The following DGKH variants were observed in gnomAD, a reference collection of about 807,000 sequenced individuals.
DGKH encodes the protein diacylglycerol kinase eta, also known as DAG kinase eta.
DGKH carries 90 observed loss-of-function variants against 159.3 expected under a neutral mutation model. That is an observed-to-expected ratio of 0.57 (90% CI 0.48 to 0.67). DGKH has a LOEUF of 0.67. Ranked by LOEUF, DGKH falls within the 30% of genes least tolerant of loss-of-function variation. DGKH has a pLI of 0.00. For missense variants in DGKH, 1,181 were observed against 1,506.1 expected, an observed-to-expected ratio of 0.78 and a Z score of 3.57; for synonymous variants, 536 against 553.8, an observed-to-expected ratio of 0.97 and a Z score of 0.45.
chr13:42,209,792 G>T (rs1957594575), intron 23 of DGKH, among the ~76,000 whole-genome samples: 1 of 152,074 alleles, frequency 6.6e-6, no homozygotes, highest in South Asian at 2.1e-4. Context: ...CAACTGTTGA[G>T]TCAATACTGA....
chr13:42,210,503 T>G, intron 23 of DGKH, 99 bp from the exon 24 acceptor site: 1 of 1,147,172 alleles, frequency 8.7e-7, no homozygotes, highest in Non-Finnish European at 1.2e-6. Flanking sequence ...ATTTGAGGAG[T>G]CATTAGAGAA....
intron 3 of DGKH, among the ~76,000 whole-genome samples, chr13:42,146,117 G>T (rs973425312): frequency 2.0e-5 from 3 of 148,346 alleles, no homozygotes; most frequent in Admixed American, 2.0e-4. Context: ...TTTTCCCTTT[G>T]GAGCCTTTGT....
chr13:42,094,591 T>C (rs1015094377), intron 1 of DGKH, among the ~76,000 whole-genome samples: 1 of 152,182 alleles, frequency 6.6e-6, no homozygotes, highest in Non-Finnish European at 1.5e-5. Context: ...CCTAGGTCTG[T>C]GTAGTGAATT....
chr13:42,060,805 C>A (rs1023821808), intron 1 of DGKH, among the ~76,000 whole-genome samples: 5 of 152,126 alleles, frequency 3.3e-5, no homozygotes, highest in African/African-American at 1.2e-4. Flanking sequence ...TAGGTAAGTA[C>A]AATTATTCTC....
Position 42,225,687 on chromosome 13 carries a change from C to T in DGKH, c.3574-3412C>T, listed in dbSNP as rs199623418. On this transcript the variant is annotated intron_variant, in intron 29 of 29. Coordinates refer to ENST00000337343, the MANE Select transcript of DGKH (RefSeq NM_178009.5). ...ACTCGGGAGGCTGAGGCAGGAGGAT[C>T]GCTTGAACCCAGGAGGTGGAGGTTG... 3.2e-3 allele frequency among the ~76,000 whole-genome samples: 487 copies of T among 151,030 alleles called. 2 individuals are homozygous for T. The highest frequency in any genetic ancestry group is 0.011 in the African/African-American group (458 of 41,160).
chr13:42,097,796 T>C (rs1211090635), intron 1 of DGKH, among the ~76,000 whole-genome samples: 1 of 151,720 alleles, frequency 6.6e-6, no homozygotes, highest in Non-Finnish European at 1.5e-5. Flanking sequence ...GTGCAGGGGG[T>C]GTGTAAGGGG....
At chr13:42,111,933 A>C (rs1435672890) in intron 1 of DGKH, among the ~76,000 whole-genome samples, 2 of 152,190 alleles carry the variant, frequency 1.3e-5, no homozygotes, top group Admixed American at 6.5e-5. Context: ...TGGGTTGAGC[A>C]TGGCAGGATG....
At chr13:42,151,738 T>C (rs1420186072) in intron 3 of DGKH, among the ~76,000 whole-genome samples, 1 of 151,872 alleles carries the variant, frequency 6.6e-6, no homozygotes, top group African/African-American at 2.4e-5. Flanking sequence ...CTATTGTTAA[T>C]AGTGTTGTAA....
Position 42,223,219 on chromosome 13 carries a change from C to T in DGKH, c.3573+1825C>T, listed in dbSNP as rs1030098350. The stretch of plus-strand genomic sequence containing the variant: ...TCTCTGCGGTTGTAGCTGTCAGCAG[C>T]GGCAAGTCCTTCAGACCGATGCCTC... On this transcript the variant is annotated intron_variant, in intron 29 of 29. Transcript: ENST00000337343. Among the ~76,000 whole-genome samples the T allele has an allele frequency of 5.3e-5, 8 of 152,098 alleles. No individual in the cohort carries two copies. In the South Asian group the frequency reaches 1.5e-3, roughly 28 times the overall value.
intron 3 of DGKH, among the ~76,000 whole-genome samples, chr13:42,151,042 G>T (rs924626676): frequency 6.6e-6 from 1 of 152,162 alleles, no homozygotes; most frequent in African/African-American, 2.4e-5. Flanking sequence ...GACCCTGGAA[G>T]CTGAGAAGGG....
At chr13:42,197,956 T>G (rs1594190408) in intron 17 of DGKH, among the ~76,000 whole-genome samples, 1 of 152,198 alleles carries the variant, frequency 6.6e-6, no homozygotes, top group African/African-American at 2.4e-5. Flanking sequence ...ACTATATTCT[T>G]CTAAAATTCA....
intron 17 of DGKH, among the ~76,000 whole-genome samples, chr13:42,197,117 G>C (rs1010333930): frequency 9.9e-5 from 15 of 151,776 alleles, no homozygotes; most frequent in African/African-American, 2.9e-4. Context: ...AGGCATGCTG[G>C]CTCACCCCTT....
chr13:42,174,915 C>T (rs1199000182), intron 12 of DGKH, among the ~76,000 whole-genome samples: 1 of 152,114 alleles, frequency 6.6e-6, no homozygotes, highest in African/African-American at 2.4e-5. Flanking sequence ...TGGGTTAAGC[C>T]TGTTGATATA....
intron 1 of DGKH, among the ~76,000 whole-genome samples, chr13:42,101,556 G>T (rs1160231204): frequency 6.6e-6 from 1 of 152,190 alleles, no homozygotes; most frequent in Non-Finnish European, 1.5e-5. Context: ...ATTGCAGAAA[G>T]GTTTGTTGGA....
intron 25 of DGKH, among the ~76,000 whole-genome samples, chr13:42,215,158 G>GTT (rs201405435): frequency 1.4e-4 from 21 of 147,422 alleles, no homozygotes; most frequent in South Asian, 6.4e-4. Flanking sequence ...AACTGATAGC[G>GTT]TTTTTTTTTT....
intron 1 of DGKH, among the ~76,000 whole-genome samples, chr13:42,083,871 T>C (rs1035688033): frequency 6.6e-6 from 1 of 152,184 alleles, no homozygotes; most frequent in Admixed American, 6.5e-5. Flanking sequence ...TATTGTACTT[T>C]GTAAGAAATA....
chr13:42,177,321 T>A (rs1399867210), intron 12 of DGKH, among the ~76,000 whole-genome samples: 2 of 152,220 alleles, frequency 1.3e-5, no homozygotes, highest in Non-Finnish European at 2.9e-5. Context: ...TCACTCAATG[T>A]TATGTTTATC....
At chr13:42,228,373 A>T (rs1958189343) in intron 29 of DGKH, among the ~76,000 whole-genome samples, 2 of 152,350 alleles carry the variant, frequency 1.3e-5, no homozygotes, top group South Asian at 4.1e-4. Context: ...TACATTACAA[A>T]GTATAAAGAC....
chr13:42,137,989 C>G (rs1955437607), intron 3 of DGKH: 2 of 665,534 alleles, frequency 3.0e-6, no homozygotes, highest in Non-Finnish European at 3.7e-6. Context: ...AGAGAACTTT[C>G]TAACTTGAGT....
Sources: gnomAD v4.1 joint callset for allele counts (sites outside exome capture counted in the v4.1 genomes callset) on GRCh38, gnomAD v4.1.1 for gene constraint, MANE v1.5 for transcripts, NCBI Gene and HGNC (gene_info 2026-07-23, HGNC 2026-07-21) for gene names.